The following PCDH9 variants were observed in gnomAD, a reference collection of about 807,000 sequenced individuals.
The protein encoded by PCDH9 is protocadherin 9, also known as protocadherin-9.
In PCDH9, 24 loss-of-function variants were observed where a neutral mutation model predicts 70.6. The ratio of observed to expected loss-of-function variants is 0.34; its 90% CI spans 0.25 to 0.48. The LOEUF (loss-of-function observed/expected upper bound fraction) is 0.48, where lower values mean the gene tolerates loss of function less well. PCDH9 is among the 20% of genes least tolerant of loss of function. PCDH9 has a pLI of 0.99. For synonymous variants in PCDH9, 562 were observed against 558.5 expected, an observed-to-expected ratio of 1.01 and a Z score of -0.09; for missense variants, 1,281 against 1,503.6, an observed-to-expected ratio of 0.85 and a Z score of 2.45.
At chr13:67,106,303 A>T (rs2138254579) in intron 2 of PCDH9, among the ~76,000 whole-genome samples, 1 of 152,342 alleles carries the variant, frequency 6.6e-6, no homozygotes, top group South Asian at 2.1e-4. Context: ...TATGTGGTAG[A>T]TACATGTAAC....
intron 4 of PCDH9, among the ~76,000 whole-genome samples, chr13:66,599,823 A>G (rs1379071745): frequency 6.6e-6 from 1 of 151,818 alleles, no homozygotes; most frequent in Non-Finnish European, 1.5e-5. Flanking sequence ...GAGGAAAGTA[A>G]TGCCAGACAC....
chr13:66,439,735 C>A (rs573789384), intron 4 of PCDH9, among the ~76,000 whole-genome samples: 1 of 152,118 alleles, frequency 6.6e-6, no homozygotes, highest in Non-Finnish European at 1.5e-5. Context: ...TTAGGCTTCA[C>A]GGTATGTATA....
chr13:66,550,858 C>T (rs1961453480), intron 4 of PCDH9, among the ~76,000 whole-genome samples: 2 of 152,126 alleles, frequency 1.3e-5, no homozygotes, highest in African/African-American at 2.4e-5. Context: ...CATGAACACG[C>T]TAGAGAGACA....
At chr13:66,845,887 A>G (rs567099172) in intron 3 of PCDH9, among the ~76,000 whole-genome samples, 10 of 152,348 alleles carry the variant, frequency 6.6e-5, no homozygotes, top group Non-Finnish European at 1.0e-4. Flanking sequence ...ATAAATAGTT[A>G]CAACATGCAT....
At chr13:66,661,439 GT>G (rs1175075845) in intron 3 of PCDH9, among the ~76,000 whole-genome samples, 1 of 152,098 alleles carries the variant, frequency 6.6e-6, no homozygotes, top group Non-Finnish European at 1.5e-5. Flanking sequence ...TACCAATATT[GT>G]TTGCTGAGTA....
At chr13:66,604,969 T>G (rs2077205816) in intron 4 of PCDH9, among the ~76,000 whole-genome samples, 1 of 152,040 alleles carries the variant, frequency 6.6e-6, no homozygotes, top group African/African-American at 2.4e-5. Flanking sequence ...AATGGAGATT[T>G]TTATTAGATT....
At chr13:66,689,360 A>T (rs2078450174) in intron 3 of PCDH9, among the ~76,000 whole-genome samples, 1 of 152,138 alleles carries the variant, frequency 6.6e-6, no homozygotes, top group African/African-American at 2.4e-5. Flanking sequence ...AGCCCATATT[A>T]TTTAAACTAC....
At chr13:67,168,126 C>T (rs941430397) in intron 2 of PCDH9, among the ~76,000 whole-genome samples, 5 of 152,200 alleles carry the variant, frequency 3.3e-5, no homozygotes, top group African/African-American at 4.8e-5. Context: ...CAGAAAATCA[C>T]TTGTTATCCA....
At chr13:66,886,202 T>C (rs2082002335) in intron 3 of PCDH9, 1 of 152,160 alleles carries the variant, frequency 6.6e-6, no homozygotes, top group South Asian at 2.1e-4. Context: ...AAGAGGTCAC[T>C]AAGCTCAATC....
At chr13:67,024,365 G>A (rs1458092411) in intron 2 of PCDH9, among the ~76,000 whole-genome samples, 6 of 152,074 alleles carry the variant, frequency 3.9e-5, no homozygotes, top group African/African-American at 1.4e-4. Flanking sequence ...ATGTTGAGGT[G>A]TGCAGTACTC....
chr13:66,784,880 A>G (rs1214270661), intron 3 of PCDH9, among the ~76,000 whole-genome samples: 2 of 152,112 alleles, frequency 1.3e-5, no homozygotes, highest in African/African-American at 2.4e-5. Flanking sequence ...AATTGCCCTG[A>G]TCTTACTTTA....
At chr13:66,590,514 CA>C (rs1286405958) in intron 4 of PCDH9, among the ~76,000 whole-genome samples, 2 of 151,724 alleles carry the variant, frequency 1.3e-5, no homozygotes, top group Non-Finnish European at 2.9e-5. Flanking sequence ...CTTTCTGGGA[CA>C]AAAAATCCAC....
chr13:66,342,913 T>A (rs1261971809), intron 4 of PCDH9, among the ~76,000 whole-genome samples: 1 of 152,060 alleles, frequency 6.6e-6, no homozygotes, highest in Non-Finnish European at 1.5e-5. Context: ...CCCAAAGTTC[T>A]AGGATTACAG....
intron 3 of PCDH9, among the ~76,000 whole-genome samples, chr13:66,768,704 T>C (rs1363902120): frequency 1.3e-5 from 2 of 152,060 alleles, no homozygotes; most frequent in African/African-American, 4.8e-5. Flanking sequence ...AAAGCAAATA[T>C]GAAAGAAACC....
chr13:66,839,374 CT>C (rs1397483458), intron 3 of PCDH9, among the ~76,000 whole-genome samples: 4 of 152,116 alleles, frequency 2.6e-5, no homozygotes, highest in African/African-American at 9.7e-5. Context: ...TCTCTAGTGT[CT>C]TTCCTCTTTT....
chr13:66,501,283 C>T (rs1959175945), intron 4 of PCDH9, among the ~76,000 whole-genome samples: 1 of 152,078 alleles, frequency 6.6e-6, no homozygotes, highest in South Asian at 2.1e-4. Flanking sequence ...TTGTGAGACT[C>T]ATGAACATCA....
At chr13:67,077,161 C>A (rs1031189053) in intron 2 of PCDH9, among the ~76,000 whole-genome samples, 4 of 152,140 alleles carry the variant, frequency 2.6e-5, no homozygotes, top group Admixed American at 6.6e-5. Flanking sequence ...AAAAATACCA[C>A]TCCCTAATCA....
intron 2 of PCDH9, among the ~76,000 whole-genome samples, chr13:67,195,605 G>A (rs2089042458): frequency 6.6e-6 from 1 of 152,064 alleles, no homozygotes; most frequent in African/African-American, 2.4e-5. Flanking sequence ...CAACTAGAAT[G>A]CTTTGGGGAG....
intron 4 of PCDH9, among the ~76,000 whole-genome samples, chr13:66,334,662 T>C (rs1956004097): frequency 6.6e-6 from 1 of 151,804 alleles, no homozygotes; most frequent in Non-Finnish European, 1.5e-5. Flanking sequence ...AGTATGTCTT[T>C]ACTACTAAAA....
Sources: allele counts gnomAD v4.1 joint callset (sites outside exome capture counted in the v4.1 genomes callset), GRCh38; gene constraint gnomAD v4.1.1; transcripts MANE v1.5; gene names NCBI Gene and HGNC (gene_info 2026-07-23, HGNC 2026-07-21).